Variants in TMEM74B observed in about 807,000 individuals in gnomAD.
TMEM74B encodes the protein transmembrane protein C20orf46.
TMEM74B carries 7 observed loss-of-function variants against 6.5 expected under a neutral mutation model. The observed-to-expected ratio is 1.07, with a 90% CI of 0.61 to 2.01. The LOEUF is 2.01. TMEM74B is among the 30% of genes most tolerant of loss of function. The probability of loss-of-function intolerance (pLI) is 0.00; values close to 1 mark genes in which losing one functional copy is unlikely to be tolerated. For missense variants in TMEM74B, 342 were observed against 337.0 expected, an observed-to-expected ratio of 1.01 and a Z score of -0.12; for synonymous variants, 151 against 151.6, an observed-to-expected ratio of 1.00 and a Z score of 0.03.
rs774478234 is a variant in TMEM74B at position 1,184,178 on chromosome 20, C to G, written c.-148+124G>C. ...GACTGATATATTGATGCCTCCACAC[C>G]CTGGAAGAAATCTGGAGCTCCCAAA... On this transcript the variant is annotated intron_variant, in intron 1 of 2. Coordinates refer to ENST00000429036, the MANE Select transcript of TMEM74B (RefSeq NM_001304748.2). This position sits in a 1 kb window ranked among gnomAD's most constrained non-coding sequence, Gnocchi z 6.0. 14 of 172,798 alleles carry G rather than the reference C, an allele frequency of 8.1e-5. No individual in the cohort carries two copies. Among genetic ancestry groups the G allele is most frequent in the Admixed American group, 2.5e-4 (4 of 15,768 alleles). 10.7% of individuals were successfully genotyped at this position (172,798 alleles called of 1,614,324 possible). A position where few individuals can be genotyped will look rare whatever the true frequency, so the allele number is the denominator to read the frequency against.
chr20:1,186,928 C>G (rs2087029663), upstream of TMEM74B, among the ~76,000 whole-genome samples: 1 of 152,186 alleles, frequency 6.6e-6, no homozygotes, highest in Non-Finnish European at 1.5e-5. Context: ...AAGGACTGCC[C>G]TCCTGGAGCT....
upstream of TMEM74B, among the ~76,000 whole-genome samples, chr20:1,188,510 CACACACACACTCT>C (rs1250567226): frequency 6.8e-6 from 1 of 147,184 alleles, no homozygotes; most frequent in Non-Finnish European, 1.5e-5. Context: ...ACACACATGC[CACACACACACTCT>C]ACACACACAC....
At chr20:1,183,290 CTGTGTG>C (rs142394583) in intron 2 of TMEM74B, among the ~76,000 whole-genome samples, 47 of 149,312 alleles carry the variant, frequency 3.1e-4, no homozygotes, top group East Asian at 2.0e-3. Flanking sequence ...GGTTCGTTCT[CTGTGTG>C]TGTGTGTGTG....
intron 2 of TMEM74B, 87 bp downstream of exon 2, chr20:1,183,684 A>G: frequency 6.6e-7 from 1 of 1,519,318 alleles, no homozygotes; most frequent in South Asian, 1.2e-5. Flanking sequence ...ATTTCATAAA[A>G]CATGGCCAAG....
At position 1,182,456 on chromosome 20, in the gene TMEM74B, G is replaced by T. The variant is rs547360432; in HGVS notation, c.32-869C>A. 4.6e-5 allele frequency among the ~76,000 whole-genome samples: 7 copies of T among 151,850 alleles called. No individual in the cohort carries two copies. The East Asian group carries it at 1.2e-3, about 26-fold the overall frequency. ...AGCAGGAAGTGCCTCGGCTTCAGAA[G>T]AAAGGAGGACTGATGAGATGGGAGG... is the stretch of plus-strand genomic sequence containing the variant. On this transcript the variant is annotated intron_variant, in intron 2 of 2. Transcript: ENST00000429036.
Position 1,184,922 on chromosome 20 carries a change from G to C in TMEM74B, c.-768C>G, listed in dbSNP as rs1047137016. Among the ~76,000 whole-genome samples, 4 of 152,158 alleles carry C rather than the reference G, an allele frequency of 2.6e-5. No individual in the cohort carries two copies. Among genetic ancestry groups the C allele is most frequent in the Non-Finnish European group, 5.9e-5 (4 of 68,014 alleles). ...CCGGCTGCCCACCGCGCCCGCTCCC[G>C]CCGGCCCAGTCCACACCCCCTGCTC... is the stretch of plus-strand genomic sequence containing the variant. On this transcript the variant is annotated 5_prime_UTR_variant, in exon 1 of 3. Transcript: ENST00000429036. The surrounding 1 kb of genome is among the most constrained non-coding windows in gnomAD (Gnocchi z 6.0).
chr20:1,180,942 C>T lies in TMEM74B; in HGVS notation c.677G>A (p.Arg226His), dbSNP rs368653757. The change falls in exon 3 of 3, where the codon CGC (arginine) becomes CAC (histidine). Residue 226 changes from arginine (R) to histidine (H), a missense_variant. Arg to His is a conservative substitution (Grantham distance 29). Transcript: ENST00000429036. This position sits in a 1 kb window ranked among gnomAD's most constrained non-coding sequence, Gnocchi z 6.1. ...CCCATCCCCATTGAGCTGTCTCATG[C>T]GCAGGTTAATGGAGCCGTAGGTCTT... ...SRKTYGSINL[R>H]MRQLNGDGGQ... 2.7e-5 allele frequency: 43 copies of T among 1,614,010 alleles called. No homozygotes were observed. The highest frequency in any genetic ancestry group is 3.3e-5 in the Non-Finnish European group (39 of 1,180,010).
upstream of TMEM74B, among the ~76,000 whole-genome samples, chr20:1,185,798 C>G (rs1461526628): frequency 9.3e-5 from 14 of 150,982 alleles, no homozygotes; most frequent in South Asian, 3.0e-3. Context: ...TCCTCACCCC[C>G]ACTCTGCCAC....
chr20:1,183,316 T>G (rs76776004), intron 2 of TMEM74B, among the ~76,000 whole-genome samples: 1,299 of 95,492 alleles, frequency 0.014, 14 homozygotes, highest in African/African-American at 0.034. Context: ...GTGTGTGTGT[T>G]TGTGTGTGTG....
At chr20:1,183,339 TATG>T (rs1390167354) in intron 2 of TMEM74B, among the ~76,000 whole-genome samples, 1 of 151,968 alleles carries the variant, frequency 6.6e-6, no homozygotes, top group Non-Finnish European at 1.5e-5. Flanking sequence ...TGTGTGTAAA[TATG>T]AGCAAATGAA....
In TMEM74B at chr20:1,184,086, C is replaced by A; in HGVS notation, c.-147-138G>T. On this transcript the variant is annotated intron_variant, in intron 1 of 2. Coordinates refer to ENST00000429036, the MANE Select transcript of TMEM74B (RefSeq NM_001304748.2). The surrounding 1 kb of genome is among the most constrained non-coding windows in gnomAD (Gnocchi z 6.0). ...GCCACATGGGTGCTCAGAAGTGGCCCCCACCCACACCCTCAGCACCTTCCA... is the reference window on the plus strand; with the variant it reads ...GCCACATGGGTGCTCAGAAGTGGCCACCACCCACACCCTCAGCACCTTCCA... The A allele has an allele frequency of 2.5e-6, 1 of 397,524 alleles. No homozygotes were observed. The highest frequency in any genetic ancestry group is 4.6e-6 in the Non-Finnish European group (1 of 217,952). 24.6% of individuals were successfully genotyped at this position (397,524 alleles called of 1,614,324 possible).
In TMEM74B at chr20:1,181,356, G is replaced by C. The variant is rs894008305; in HGVS notation, c.263C>G (p.Pro88Arg). The change falls in exon 3 of 3, where the codon CCT (proline) becomes CGT (arginine). Residue 88 changes from proline to arginine, a missense_variant. Coordinates refer to ENST00000429036, the MANE Select transcript of TMEM74B (RefSeq NM_001304748.2). The surrounding 1 kb of genome is among the most constrained non-coding windows in gnomAD (Gnocchi z 4.9). ...TCGGGGCAGTGAGGAGACACCCCCA[G>C]GGGGACTGGGTGAGCTGCCCAGTCT... is the stretch of plus-strand genomic sequence containing the variant. ...NTRLGSSPSPPGGVSSLPRSQ... is the reference protein window; with the variant it reads ...NTRLGSSPSPRGGVSSLPRSQ... The C allele has an allele frequency of 5.8e-6, 9 of 1,564,274 alleles. No individual in the cohort carries two copies. In the Admixed American group the frequency reaches 9.0e-5, roughly 16 times the overall value.
upstream of TMEM74B, chr20:1,186,411 A>T (rs971595413): frequency 1.3e-5 from 2 of 152,226 alleles, no homozygotes; most frequent in Middle Eastern, 3.4e-3. Flanking sequence ...TCTTTGGGGA[A>T]CACACGCCAA....
Position 1,181,282 on chromosome 20 carries a change from C to A in TMEM74B, c.337G>T (p.Glu113Ter). 6.2e-7 allele frequency: 1 copy of A among 1,613,324 alleles called. No individual in the cohort carries two copies. The highest frequency in any genetic ancestry group is 8.5e-7 in the Non-Finnish European group (1 of 1,179,584). Residue 113 changes from glutamate to a stop codon, truncating the protein, a stop_gained, in exon 3 of 3, where the codon GAG becomes TAG. Transcript: ENST00000429036. LOFTEE classifies it high-confidence loss of function. The surrounding 1 kb of genome is among the most constrained non-coding windows in gnomAD (Gnocchi z 4.9). ...TAATCCACCGGGCGGCTCACGGGCTCCAGGGCTGGCCCCTCCTCTGAATGA... is the reference window on the plus strand; with the variant it reads ...TAATCCACCGGGCGGCTCACGGGCTACAGGGCTGGCCCCTCCTCTGAATGA... ...SLHSEEGPAL[E>*]PVSRPVDYGF...
Position 1,181,948 on chromosome 20 carries a change from C to T in TMEM74B, c.32-361G>A, listed in dbSNP as rs1225450767. On this transcript the variant is annotated intron_variant, in intron 2 of 2. Coordinates refer to ENST00000429036, the MANE Select transcript of TMEM74B (RefSeq NM_001304748.2). This position sits in a 1 kb window ranked among gnomAD's most constrained non-coding sequence, Gnocchi z 4.9. ...AGTGCTCAAAGTTAGCGATGAGTTC[C>T]TATTATACTGGAGGGAATGTAGGTA... Among the ~76,000 whole-genome samples, 1 of 152,172 alleles carries T rather than the reference C, an allele frequency of 6.6e-6. No homozygotes were observed. The highest frequency in any genetic ancestry group is 1.5e-5 in the Non-Finnish European group (1 of 68,042).
upstream of TMEM74B, chr20:1,186,600 G>T (rs2087024993): frequency 6.6e-6 from 1 of 152,238 alleles, no homozygotes; most frequent in South Asian, 2.1e-4. Flanking sequence ...TGGCCATGTG[G>T]AAGGACAGGC....
At position 1,181,354 on chromosome 20, in the gene TMEM74B, CA is replaced by C. The variant is rs1568493988; in HGVS notation, c.264del (p.Gly90ValfsTer26). The C allele has an allele frequency of 6.4e-7, 1 of 1,566,076 alleles. No homozygotes were observed. Among genetic ancestry groups the C allele is most frequent in the African/African-American group, 1.4e-5 (1 of 73,868 alleles). ...GATCGGGGCAGTGAGGAGACACCCC[CA>C]GGGGGACTGGGTGAGCTGCCCAGTC... The part of the protein sequence containing the change: ...NTRLGSSPSP[P>X]GGVSSLPRSQ... On this transcript the variant is annotated frameshift_variant, in exon 3 of 3. Transcript: ENST00000429036. LOFTEE classifies it high-confidence loss of function. This position sits in a 1 kb window ranked among gnomAD's most constrained non-coding sequence, Gnocchi z 4.9.
chr20:1,183,620 C>G, intron 2 of TMEM74B, 151 bp downstream of exon 2: 2 of 817,348 alleles, frequency 2.4e-6, no homozygotes, highest in South Asian at 3.6e-5. Context: ...ACACTTCATG[C>G]AGGAGTATCT....
At position 1,183,660 on chromosome 20, in the gene TMEM74B, G is replaced by A. The variant is rs2086939887; in HGVS notation, c.31+111C>T. On this transcript the variant is annotated intron_variant, in intron 2 of 2. Transcript: ENST00000429036. ...TCACCCTCACCAGCCCCACGATCCG[G>A]AATTACTGTCTCTATTTCATAAAAC... 3.7e-6 allele frequency: 5 copies of A among 1,369,492 alleles called. No homozygotes were observed. The South Asian group carries it at 6.3e-5, about 17-fold the overall frequency. The allele number at this position is 1,369,492 out of a possible 1,614,324, so 84.8% of individuals were successfully genotyped here.
Sources: gnomAD v4.1 joint callset for allele counts (sites outside exome capture counted in the v4.1 genomes callset) on GRCh38, gnomAD v4.1.1 for gene constraint, Gnocchi (gnomAD v3.1) non-coding constraint, MANE v1.5 for transcripts, NCBI Gene and HGNC (gene_info 2026-07-23, HGNC 2026-07-21) for gene names.